Variants in MAN2A1 observed in about 807,000 individuals in gnomAD.
The protein encoded by MAN2A1 is alpha-mannosidase 2.
In MAN2A1, 76 loss-of-function variants were observed where a neutral mutation model predicts 142.6. The ratio of observed to expected loss-of-function variants is 0.53; its 90% CI spans 0.44 to 0.65. The LOEUF is 0.65. MAN2A1 is among the 30% of genes least tolerant of loss of function. MAN2A1 has a pLI of 0.00. For synonymous variants in MAN2A1, 559 were observed against 473.2 expected (o/e 1.18, Z -2.35); for missense variants, 1,311 against 1,365.1 (o/e 0.96, Z 0.62).
intron 12 of MAN2A1, among the ~76,000 whole-genome samples, chr5:109,814,390 T>C (rs1209340320): frequency 6.6e-6 from 1 of 152,216 alleles, no homozygotes; most frequent in Non-Finnish European, 1.5e-5. Context: ...TTATTTATGA[T>C]TGTATACTTA....
chr5:109,697,717 C>T (rs566315869), intron 1 of MAN2A1, among the ~76,000 whole-genome samples: 1 of 152,312 alleles, frequency 6.6e-6, no homozygotes, highest in South Asian at 2.1e-4. Context: ...TGGCCCTTTT[C>T]AGAGTTTGCC....
At chr5:109,866,574 A>G (rs1580328887) in intron 21 of MAN2A1, among the ~76,000 whole-genome samples, 1 of 152,192 alleles carries the variant, frequency 6.6e-6, no homozygotes, top group Admixed American at 6.5e-5. Context: ...GTTGCTCATG[A>G]CCATTACTGG....
At chr5:109,734,199 G>T (rs1043591134) in intron 4 of MAN2A1, among the ~76,000 whole-genome samples, 1 of 150,812 alleles carries the variant, frequency 6.6e-6, no homozygotes, top group Non-Finnish European at 1.5e-5. Context: ...CTGTGGGATC[G>T]GTGGTGATAT....
At chr5:109,807,976 T>G (rs1754212751) in intron 12 of MAN2A1, among the ~76,000 whole-genome samples, 1 of 152,154 alleles carries the variant, frequency 6.6e-6, no homozygotes, top group Non-Finnish European at 1.5e-5. Context: ...AAAAGGAAAA[T>G]TTGACCATGT....
chr5:109,801,808 A>G (rs975619107), intron 12 of MAN2A1, among the ~76,000 whole-genome samples: 2 of 152,220 alleles, frequency 1.3e-5, no homozygotes, highest in African/African-American at 4.8e-5. Context: ...AATTTTCTAC[A>G]TATTCTAAAA....
chr5:109,748,382 T>C (rs1020565468), intron 4 of MAN2A1, among the ~76,000 whole-genome samples: 5 of 151,006 alleles, frequency 3.3e-5, no homozygotes, highest in African/African-American at 1.2e-4. Flanking sequence ...TTCTGAAATA[T>C]CTGCATTGTA....
intron 12 of MAN2A1, among the ~76,000 whole-genome samples, chr5:109,805,484 G>A (rs978019625): frequency 1.1e-4 from 17 of 152,128 alleles, no homozygotes; most frequent in African/African-American, 4.1e-4. Flanking sequence ...AGTTGCATTT[G>A]CAACTACAAA....
At chr5:109,775,914 G>T (rs887907256) in intron 8 of MAN2A1, among the ~76,000 whole-genome samples, 5 of 151,882 alleles carry the variant, frequency 3.3e-5, no homozygotes, top group Admixed American at 2.0e-4. Context: ...TTACAAAATT[G>T]ATTTTTTATT....
At chr5:109,706,439 G>C (rs1201864521) in intron 1 of MAN2A1, among the ~76,000 whole-genome samples, 1 of 152,174 alleles carries the variant, frequency 6.6e-6, no homozygotes, top group East Asian at 1.9e-4. Flanking sequence ...TTCTTTCACA[G>C]CCAGTCCAAG....
At chr5:109,865,237 G>A in intron 21 of MAN2A1, 91 bp downstream of exon 21, 2 of 901,302 alleles carry the variant, frequency 2.2e-6, no homozygotes, top group Non-Finnish European at 3.6e-6. Flanking sequence ...ATGTTTCATT[G>A]CTTCTTTACT....
At chr5:109,771,877 C>A (rs1280208018) in intron 7 of MAN2A1, among the ~76,000 whole-genome samples, 1 of 152,046 alleles carries the variant, frequency 6.6e-6, no homozygotes, top group Non-Finnish European at 1.5e-5. Context: ...ATTGTGAGCC[C>A]TTTGTTCTTT....
chr5:109,810,782 A>G (rs1754294755), intron 12 of MAN2A1, among the ~76,000 whole-genome samples: 1 of 152,170 alleles, frequency 6.6e-6, no homozygotes, highest in Admixed American at 6.5e-5. Context: ...TGTTGCCCTC[A>G]GGCAAATGAT....
intron 1 of MAN2A1, among the ~76,000 whole-genome samples, chr5:109,704,547 G>C (rs1582804891): frequency 6.6e-6 from 1 of 152,106 alleles, no homozygotes; most frequent in Non-Finnish European, 1.5e-5. Context: ...CACAGCCCCA[G>C]TTCACACTCT....
In MAN2A1 at chr5:109,788,951, T is replaced by C. The variant is rs767107989; in HGVS notation, c.1778T>C (p.Met593Thr). Reference sequence around the variant, plus strand: ...ATTTACAGACTTTTTCATTCGTTAATGGTTTTGGAGAAGATAATTGGAAAT... The same window carrying C: ...ATTTACAGACTTTTTCATTCGTTAACGGTTTTGGAGAAGATAATTGGAAAT... ...DYGTRLFHSL[M>T]VLEKIIGNSA... The change falls in exon 11 of 22, where the codon ATG (methionine) becomes ACG (threonine). Residue 593 changes from methionine to threonine, a missense_variant. Coordinates refer to ENST00000261483, the MANE Select transcript of MAN2A1 (RefSeq NM_002372.4). The C allele has an allele frequency of 5.7e-6, 9 of 1,571,084 alleles. No homozygotes were observed. Among genetic ancestry groups the C allele is most frequent in the Admixed American group, 5.1e-5 (3 of 59,044 alleles).
At chr5:109,820,959 TG>T (rs1439692374) in intron 15 of MAN2A1, among the ~76,000 whole-genome samples, 1 of 152,216 alleles carries the variant, frequency 6.6e-6, no homozygotes, top group African/African-American at 2.4e-5. Flanking sequence ...TCTAGCCGTA[TG>T]GGAAAAATAG....
At chr5:109,834,798 C>T (rs1297029368) in intron 16 of MAN2A1, among the ~76,000 whole-genome samples, 2 of 152,028 alleles carry the variant, frequency 1.3e-5, no homozygotes, top group African/African-American at 4.8e-5. Context: ...AACATTTTCA[C>T]TTGTGGAGAA....
At chr5:109,747,087 G>A (rs951622276) in intron 4 of MAN2A1, among the ~76,000 whole-genome samples, 5 of 152,114 alleles carry the variant, frequency 3.3e-5, no homozygotes, top group African/African-American at 9.7e-5. Context: ...TGGTTTCTAC[G>A]TTTTGGCCAC....
At position 109,823,808 on chromosome 5, in the gene MAN2A1, C is replaced by T. The variant is rs746667744; in HGVS notation, c.2537C>T (p.Thr846Ile). The change falls in exon 16 of 22, where the codon ACT becomes ATT. Residue 846 changes from threonine to isoleucine, a missense_variant. This residue lies in a region of MAN2A1 where 890 missense variants were observed against 920.5 expected (regional missense o/e 0.97). Transcript: ENST00000261483. ...GTGACTTGCTTTTTTGACCATGTTACTCATAGAGTCCGACTATACCACATA... is the reference window on the plus strand; with the variant it reads ...GTGACTTGCTTTTTTGACCATGTTATTCATAGAGTCCGACTATACCACATA... ...SEVTCFFDHV[T>I]HRVRLYHIQG... 1 of 1,599,380 alleles carries T rather than the reference C, an allele frequency of 6.3e-7. No homozygotes were observed. The highest frequency in any genetic ancestry group is 1.3e-5 in the African/African-American group (1 of 74,388).
At chr5:109,782,719 C>G (rs183975221) in intron 9 of MAN2A1, among the ~76,000 whole-genome samples, 17 of 151,966 alleles carry the variant, frequency 1.1e-4, no homozygotes, top group East Asian at 5.8e-4. Flanking sequence ...TTTCAAAAGC[C>G]TAACCTTTTA....
Sources: allele counts gnomAD v4.1 joint callset (sites outside exome capture counted in the v4.1 genomes callset), GRCh38; gene constraint gnomAD v4.1.1; regional missense constraint gnomAD v4.1.1; transcripts MANE v1.5; gene names NCBI Gene and HGNC (gene_info 2026-07-23, HGNC 2026-07-21).